Variants in ZNF790 observed in about 807,000 individuals in gnomAD.
ZNF790 encodes the protein zinc finger protein 790.
Under a neutral mutation model 12.1 loss-of-function variants are expected in ZNF790, and 8 were observed. The observed-to-expected ratio is 0.66, with a 90% confidence interval of 0.39 to 1.19. ZNF790 has a LOEUF of 1.19. Ranked by LOEUF, ZNF790 falls within the 50% of genes most tolerant of loss-of-function variation. The probability of loss-of-function intolerance (pLI) is 0.01; values close to 1 mark genes in which losing one functional copy is unlikely to be tolerated. For missense variants in ZNF790, 707 were observed against 752.2 expected (o/e 0.94, Z 0.70); for synonymous variants, 252 against 244.3 (o/e 1.03, Z -0.29).
At chr19:36,825,871 A>G (rs2071785623) in intron 1 of ZNF790, among the ~76,000 whole-genome samples, 179 bp from the exon 2 acceptor site, 1 of 152,218 alleles carries the variant, frequency 6.6e-6, no homozygotes. Context: ...ACTTATGCCA[A>G]AATCATGATC....
intron 1 of ZNF790, among the ~76,000 whole-genome samples, chr19:36,834,014 G>A (rs779453033): frequency 6.6e-6 from 1 of 151,974 alleles, no homozygotes; most frequent in African/African-American, 2.4e-5. Flanking sequence ...AGGCTGAGGC[G>A]GGTGGATCAT....
At chr19:36,826,937 T>C (rs1455445887) in intron 1 of ZNF790, among the ~76,000 whole-genome samples, 1 of 150,150 alleles carries the variant, frequency 6.7e-6, no homozygotes, top group African/African-American at 2.4e-5. Context: ...AGACACACAA[T>C]ACCTTTAAGG....
rs371456934 is a variant in ZNF790 at position 36,818,425 on chromosome 19, A to G, written c.*8T>C. On this transcript the variant is annotated 3_prime_UTR_variant, in exon 5 of 5. Coordinates refer to ENST00000356725, the MANE Select transcript of ZNF790 (RefSeq NM_206894.4). ...AATAAAGCCCTTCCTACACTTTTAT[A>G]TAATATTTCACAAGAGTGAAATGAA... The G allele has an allele frequency of 4.1e-5, 62 of 1,521,550 alleles. No individual in the cohort carries two copies. The highest frequency in any genetic ancestry group is 4.9e-5 in the Non-Finnish European group (56 of 1,134,070). The allele number at this position is 1,521,550 out of a possible 1,614,324, so 94.3% of individuals were successfully genotyped here. A position where few individuals can be genotyped will look rare whatever the true frequency, so the allele number is the denominator to read the frequency against.
At chr19:36,835,013 C>T (rs556549588) in intron 1 of ZNF790, among the ~76,000 whole-genome samples, 2 of 152,294 alleles carry the variant, frequency 1.3e-5, no homozygotes, top group African/African-American at 4.8e-5. Context: ...TTTGGCTGTG[C>T]ACGGTGGCTC....
rs758363393 is a variant in ZNF790 at position 36,819,901 on chromosome 19, C to G, written c.443G>C (p.Arg148Thr). The G allele has an allele frequency of 2.5e-6, 4 of 1,614,054 alleles. No individual in the cohort carries two copies. The East Asian group carries it at 8.9e-5, about 36-fold the overall frequency. The change falls in exon 5 of 5, where the codon AGG becomes ACG. Residue 148 changes from arginine to threonine, a missense_variant. Transcript: ENST00000356725. Reference protein sequence around the residue: ...FKQVIRTCEKRPTFNQHTVFN... With the variant: ...FKQVIRTCEKTPTFNQHTVFN... The stretch of plus-strand genomic sequence containing the variant: ...CACTGTATGCTGGTTAAAAGTGGGC[C>G]TTTTTTCACAGGTGCGTATCACCTG...
At chr19:36,826,920 G>C (rs1181201152) in intron 1 of ZNF790, among the ~76,000 whole-genome samples, 3 of 149,854 alleles carry the variant, frequency 2.0e-5, no homozygotes, top group African/African-American at 4.9e-5. Context: ...CGCGAGGGGA[G>C]AAGAAAAGAC....
intron 1 of ZNF790, among the ~76,000 whole-genome samples, chr19:36,845,912 G>A (rs1362410244): frequency 1.3e-5 from 2 of 151,740 alleles, no homozygotes; most frequent in East Asian, 2.0e-4. Flanking sequence ...GGGTTCAAGC[G>A]ATTCTCCTGC....
At chr19:36,833,143 G>A (rs1002601300) in intron 1 of ZNF790, among the ~76,000 whole-genome samples, 4 of 152,090 alleles carry the variant, frequency 2.6e-5, no homozygotes, top group Non-Finnish European at 5.9e-5. Context: ...AATATCTTTT[G>A]TTTGTTGGTT....
At chr19:36,830,225 G>A (rs1030573180) in intron 1 of ZNF790, among the ~76,000 whole-genome samples, 1 of 152,086 alleles carries the variant, frequency 6.6e-6, no homozygotes, top group Non-Finnish European at 1.5e-5. Flanking sequence ...TGTAGAATGT[G>A]TATGTTTTAA....
chr19:36,834,500 A>C (rs1362127852), intron 1 of ZNF790, among the ~76,000 whole-genome samples: 1 of 152,184 alleles, frequency 6.6e-6, no homozygotes, highest in Non-Finnish European at 1.5e-5. Flanking sequence ...AGTTAGGAAA[A>C]CCACAATGCA....
chr19:36,841,833 A>G (rs1256705152), upstream of ZNF790, among the ~76,000 whole-genome samples: 3 of 116,830 alleles, frequency 2.6e-5, no homozygotes. Flanking sequence ...TGGAGGACAT[A>G]GCAAGACTCC....
intron 1 of ZNF790, among the ~76,000 whole-genome samples, chr19:36,849,169 C>T (rs574258769): frequency 2.6e-5 from 4 of 152,204 alleles, no homozygotes; most frequent in African/African-American, 4.8e-5. Flanking sequence ...TCAAGTGATC[C>T]TCCTGCCTCA....
intron 1 of ZNF790, among the ~76,000 whole-genome samples, chr19:36,827,088 A>ATG (rs1396533676): frequency 1.5e-4 from 21 of 142,008 alleles, no homozygotes; most frequent in Admixed American, 2.1e-4. Flanking sequence ...ATGTGTGTAT[A>ATG]TATGTGTGTG....
intron 1 of ZNF790, among the ~76,000 whole-genome samples, chr19:36,827,175 T>TAC (rs1568338148): frequency 4.0e-5 from 5 of 124,948 alleles, no homozygotes; most frequent in African/African-American, 9.6e-5. Flanking sequence ...TATATATATA[T>TAC]ATACACTTAC....
chr19:36,819,686 G>A lies in ZNF790; in HGVS notation c.658C>T (p.His220Tyr). 1 of 1,612,980 alleles carries A rather than the reference G, an allele frequency of 6.2e-7. No homozygotes were observed. The highest frequency in any genetic ancestry group is 8.5e-7 in the Non-Finnish European group (1 of 1,179,364). Residue 220 changes from histidine to tyrosine, a missense_variant, in exon 5 of 5, where the codon CAC becomes TAC. Transcript: ENST00000356725. ...DSEVIQYQTV[H>Y]TVKKTYECKE... ...CATTCATATGTTTTCTTAACAGTGTGAACTGTCTGATATTGAATAACTTCT... is the reference window on the plus strand; with the variant it reads ...CATTCATATGTTTTCTTAACAGTGTAAACTGTCTGATATTGAATAACTTCT...
rs746439754 is a variant in ZNF790, at chr19:36,819,908, C to T, written c.436G>A (p.Glu146Lys). ...ECFKQVIRTCEKRPTFNQHTV... is the reference protein window; with the variant it reads ...ECFKQVIRTCKKRPTFNQHTV... ...TGCTGGTTAAAAGTGGGCCTTTTTT[C>T]ACAGGTGCGTATCACCTGCTTGAAG... The change falls in exon 5 of 5, where the codon GAA becomes AAA. Residue 146 changes from glutamate to lysine, a missense_variant. Physicochemically the swap from Glu to Lys is moderately conservative, Grantham distance 56 (BLOSUM62 1). Transcript: ENST00000356725. The T allele has an allele frequency of 6.2e-7, 1 of 1,614,052 alleles. No individual in the cohort carries two copies. The highest frequency in any genetic ancestry group is 1.1e-5 in the South Asian group (1 of 91,076).
rs2072086865 is a variant in ZNF790 at position 36,838,124 on chromosome 19, AC to A, written c.-74+212del. 2 of 76,570 alleles carry A rather than the reference AC, an allele frequency of 2.6e-5. No individual in the cohort carries two copies. Among genetic ancestry groups the A allele is most frequent in the African/African-American group, 1.1e-4 (2 of 17,486 alleles). 4.7% of individuals were successfully genotyped at this position (76,570 alleles called of 1,614,324 possible). A position where few individuals can be genotyped will look rare whatever the true frequency, so the allele number is the denominator to read the frequency against. Reference sequence around the variant, plus strand: ...CGTGCGCGCACACACACACACACACACACATACACACACACACACACAAGCT... The same window carrying A: ...CGTGCGCGCACACACACACACACACAACATACACACACACACACACAAGCT... On this transcript the variant is annotated intron_variant, in intron 1 of 4. Coordinates refer to ENST00000356725, the MANE Select transcript of ZNF790 (RefSeq NM_206894.4). This position sits in a 1 kb window ranked among gnomAD's most constrained non-coding sequence, Gnocchi z 4.4.
chr19:36,838,694 C>T (rs1426023476), upstream of ZNF790, among the ~76,000 whole-genome samples: 1 of 152,126 alleles, frequency 6.6e-6, no homozygotes, highest in East Asian at 1.9e-4. This position sits in a 1 kb window ranked among gnomAD's most constrained non-coding sequence, Gnocchi z 4.4. Context: ...CCATCTTAGG[C>T]TGGAAGTAAC....
intron 1 of ZNF790, chr19:36,837,984 C>A (rs1016709254): frequency 6.6e-6 from 1 of 152,302 alleles, no homozygotes; most frequent in Non-Finnish European, 1.5e-5. Context: ...CGGCTGCTAT[C>A]ACCACCTTTA....
Sources: allele counts gnomAD v4.1 joint callset (sites outside exome capture counted in the v4.1 genomes callset), GRCh38; gene constraint gnomAD v4.1.1; non-coding constraint Gnocchi (gnomAD v3.1); transcripts MANE v1.5; gene names NCBI Gene and HGNC (gene_info 2026-07-23, HGNC 2026-07-21).